Variants in CDK17 observed in about 807,000 individuals in gnomAD.
CDK17 encodes the protein cyclin-dependent kinase 17.
CDK17 carries 24 observed loss-of-function variants against 77.6 expected under a neutral mutation model. The observed-to-expected ratio is 0.31, with a 90% CI of 0.22 to 0.44. The LOEUF (loss-of-function observed/expected upper bound fraction) is 0.44. Among genes scored for constraint, CDK17 ranks in the 20% least tolerant of loss-of-function variants. CDK17 has a pLI of 1.00. For missense variants in CDK17, 429 were observed against 622.5 expected (o/e 0.69, Z 3.31); for synonymous variants, 203 against 210.4 (o/e 0.96, Z 0.30).
chr12:96,280,733 C>A, intron 16 of CDK17, 75 bp downstream of exon 16: 10 of 1,578,410 alleles, frequency 6.3e-6, no homozygotes, highest in South Asian at 2.3e-5. Context: ...TTTTACTGAT[C>A]AATTTATAAA....
intron 1 of CDK17, among the ~76,000 whole-genome samples, chr12:96,391,950 A>G (rs1055806253): frequency 6.6e-6 from 1 of 152,192 alleles, no homozygotes. Context: ...ATTGCTTCTA[A>G]GCCTACTCTG....
chr12:96,311,296 CAA>C (rs1952642999), intron 4 of CDK17, 119 bp from the exon 5 acceptor site: 2 of 767,254 alleles, frequency 2.6e-6, no homozygotes, highest in East Asian at 3.2e-5. Context: ...ATTGCAGTTG[CAA>C]AGTTACCTAC....
intron 1 of CDK17, among the ~76,000 whole-genome samples, chr12:96,360,679 C>A (rs1465254738): frequency 1.3e-5 from 2 of 152,122 alleles, no homozygotes; most frequent in Non-Finnish European, 2.9e-5. Context: ...GAAAAGCAGA[C>A]AACAATGCAG....
chr12:96,365,995 C>G (rs921060086), intron 1 of CDK17, among the ~76,000 whole-genome samples: 1 of 152,204 alleles, frequency 6.6e-6, no homozygotes, highest in Non-Finnish European at 1.5e-5. Flanking sequence ...GCCTGTGAAT[C>G]TCTCTCCTTT....
chr12:96,339,690 G>A (rs1467964073), intron 1 of CDK17, among the ~76,000 whole-genome samples: 2 of 152,032 alleles, frequency 1.3e-5, no homozygotes, highest in Non-Finnish European at 2.9e-5. Context: ...AGCACTTTGA[G>A]AGGCCGAGGT....
At chr12:96,347,786 G>A (rs1256434495) in intron 1 of CDK17, among the ~76,000 whole-genome samples, 2 of 152,068 alleles carry the variant, frequency 1.3e-5, no homozygotes, top group Admixed American at 1.3e-4. Flanking sequence ...TCCAGGACAG[G>A]CCATAAGGCA....
At chr12:96,382,373 A>T (rs1029346042) in intron 1 of CDK17, among the ~76,000 whole-genome samples, 2 of 150,330 alleles carry the variant, frequency 1.3e-5, no homozygotes, top group Admixed American at 6.6e-5. Context: ...AAAAAAAAAA[A>T]TCCTACCAAC....
intron 5 of CDK17, among the ~76,000 whole-genome samples, chr12:96,306,817 C>T (rs1415754305): frequency 6.6e-6 from 1 of 152,142 alleles, no homozygotes; most frequent in Non-Finnish European, 1.5e-5. Context: ...CCTCCCTTCA[C>T]TGACTATGTT....
At chr12:96,337,531 G>A (rs1324481544) in intron 1 of CDK17, among the ~76,000 whole-genome samples, 2 of 152,152 alleles carry the variant, frequency 1.3e-5, no homozygotes, top group Non-Finnish European at 2.9e-5. Context: ...AGGTTTTGAT[G>A]TGGATTAGAT....
intron 2 of CDK17, among the ~76,000 whole-genome samples, chr12:96,332,504 T>C (rs1165679555): frequency 6.6e-6 from 1 of 152,238 alleles, no homozygotes; most frequent in Non-Finnish European, 1.5e-5. Context: ...ACAGCTTTTA[T>C]ACTCTAAAAT....
intron 1 of CDK17, among the ~76,000 whole-genome samples, chr12:96,353,279 T>C (rs1565832649): frequency 6.6e-6 from 1 of 152,212 alleles, no homozygotes; most frequent in African/African-American, 2.4e-5. Context: ...TTCATGGAGA[T>C]CCATTTATAT....
At position 96,316,716 on chromosome 12, in the gene CDK17, G is replaced by A. The variant is rs1162996998; in HGVS notation, c.284-3262C>T. Reference sequence around the variant, plus strand: ...GGGCACACTGACACCTCACACGGCAGGGTATTCCAACAGACCTGCAGCTGA... The same window carrying A: ...GGGCACACTGACACCTCACACGGCAAGGTATTCCAACAGACCTGCAGCTGA... On this transcript the variant is annotated intron_variant, in intron 3 of 16. Transcript: ENST00000261211. Among the ~76,000 whole-genome samples the A allele has an allele frequency of 1.5e-4, 19 of 125,736 alleles. 2 individuals carry two copies. The highest frequency in any genetic ancestry group is 1.0e-3 in the Admixed American group (12 of 11,468). The allele number at this position is 125,736 out of a possible 152,430, so 82.5% of individuals were successfully genotyped here.
intron 1 of CDK17, among the ~76,000 whole-genome samples, chr12:96,341,783 T>C (rs1953126029): frequency 6.6e-6 from 1 of 152,168 alleles, no homozygotes; most frequent in Admixed American, 6.5e-5. Flanking sequence ...GTATGAGTCT[T>C]TACTTGTAAA....
At chr12:96,357,359 A>G (rs137906530) in intron 1 of CDK17, among the ~76,000 whole-genome samples, 51 of 152,154 alleles carry the variant, frequency 3.4e-4, no homozygotes, top group Middle Eastern at 6.8e-3. Context: ...CTACTTAGGA[A>G]GCTGAGGCAG....
At chr12:96,289,013 A>T (rs1279550249) in intron 11 of CDK17, among the ~76,000 whole-genome samples, 154 bp downstream of exon 11, 1 of 152,244 alleles carries the variant, frequency 6.6e-6, no homozygotes, top group Non-Finnish European at 1.5e-5. Flanking sequence ...AAACCTAGGT[A>T]ATCTAATTCC....
rs1254339902 is a variant in CDK17 at position 96,279,020 on chromosome 12, G to A, written c.*1222C>T. 6.6e-6 allele frequency: 1 copy of A among 152,406 alleles called. No homozygotes were observed. Among genetic ancestry groups the A allele is most frequent in the Non-Finnish European group, 1.5e-5 (1 of 67,938 alleles). 9.4% of individuals were successfully genotyped at this position (152,406 alleles called of 1,614,324 possible). A position where few individuals can be genotyped will look rare whatever the true frequency, so the allele number is the denominator to read the frequency against. ...TGATATATAAGGCAAAAATTTACACGACCATTTCAAAATATACCAATTAAG... is the reference window on the plus strand; with the variant it reads ...TGATATATAAGGCAAAAATTTACACAACCATTTCAAAATATACCAATTAAG... On this transcript the variant is annotated 3_prime_UTR_variant, in exon 17 of 17. Transcript: ENST00000261211.
At position 96,286,720 on chromosome 12, in the gene CDK17, G is replaced by T. The variant is rs1373445002; in HGVS notation, c.1160C>A (p.Pro387His). 1 of 1,613,250 alleles carries T rather than the reference G, an allele frequency of 6.2e-7. No individual in the cohort carries two copies. The highest frequency in any genetic ancestry group is 1.1e-5 in the South Asian group (1 of 91,018). The change falls in exon 12 of 17, where the codon CCT (proline) becomes CAT (histidine). Residue 387 changes from proline (P) to histidine (H), a missense_variant. By Grantham distance (77) the Pro-to-His change is moderately conservative (BLOSUM62 -2). Coordinates refer to ENST00000261211, the MANE Select transcript of CDK17 (RefSeq NM_002595.5). ...CIFFEMASGRPLFPGSTVEDE... is the reference protein window; with the variant it reads ...CIFFEMASGRHLFPGSTVEDE... ...TTCCACGGTTGATCCTGGAAATAAA[G>T]GTCTTCCAGAAGCCATTTCAAAGAA...
At chr12:96,357,399 C>A (rs992564195) in intron 1 of CDK17, among the ~76,000 whole-genome samples, 1 of 152,120 alleles carries the variant, frequency 6.6e-6, no homozygotes, top group Admixed American at 6.6e-5. Context: ...GAGTTTAAGG[C>A]TGCAGTGAGC....
intron 14 of CDK17, among the ~76,000 whole-genome samples, 182 bp downstream of exon 14, chr12:96,283,421 G>A (rs938909296): frequency 1.3e-5 from 2 of 149,998 alleles, no homozygotes; most frequent in Non-Finnish European, 3.0e-5. Flanking sequence ...GGTGACAAGA[G>A]ACCCAGACAC....
Sources: gnomAD v4.1 joint callset for allele counts (sites outside exome capture counted in the v4.1 genomes callset) on GRCh38, gnomAD v4.1.1 for gene constraint, MANE v1.5 for transcripts, NCBI Gene and HGNC (gene_info 2026-07-23, HGNC 2026-07-21) for gene names.